FADS3: variants seen among roughly 807,000 people sequenced by gnomAD.
FADS3 encodes fatty acid desaturase 3.
A neutral mutation model predicts 60.4 loss-of-function variants in FADS3; 30 were observed. The observed-to-expected ratio is 0.50, with a 90% CI of 0.37 to 0.67. FADS3 has a LOEUF of 0.67. Among genes scored for constraint, FADS3 ranks in the 30% least tolerant of loss-of-function variants. The probability of loss-of-function intolerance (pLI) is 0.00; values close to 1 mark genes in which losing one functional copy is unlikely to be tolerated. For missense variants in FADS3, 432 were observed against 598.3 expected, an observed-to-expected ratio of 0.72 and a Z score of 2.90; for synonymous variants, 234 against 249.3, an observed-to-expected ratio of 0.94 and a Z score of 0.58.
intron 1 of FADS3, among the ~76,000 whole-genome samples, chr11:61,885,116 C>G (rs1055413249): frequency 6.6e-6 from 1 of 152,234 alleles, no homozygotes; most frequent in Non-Finnish European, 1.5e-5. Context: ...TGTTCATGCT[C>G]TCTCAGGATA....
chr11:61,880,310 T>TC, intron 1 of FADS3, 159 bp from the exon 2 acceptor site: 1 of 555,170 alleles, frequency 1.8e-6, no homozygotes, highest in Non-Finnish European at 3.2e-6. Flanking sequence ...ACATGGGCCC[T>TC]CCCTGGTCCT....
In FADS3 at chr11:61,891,342, C is replaced by T. The variant is rs769244276; in HGVS notation, c.40G>A (p.Ala14Thr). 1.9e-5 allele frequency: 28 copies of T among 1,507,882 alleles called. No homozygotes were observed. The highest frequency in any genetic ancestry group is 1.3e-4 in the East Asian group (5 of 39,346). The allele number at this position is 1,507,882 out of a possible 1,614,324, so 93.4% of individuals were successfully genotyped here. A position where few individuals can be genotyped will look rare whatever the true frequency, so the allele number is the denominator to read the frequency against. ...VGEPGPREGPAQPGAPLPTFC... is the reference protein window; with the variant it reads ...VGEPGPREGPTQPGAPLPTFC... ...GTGGGCAGCGGCGCCCCCGGCTGCG[C>T]GGGTCCCTCCCGCGGTCCCGGCTCC... Residue 14 changes from alanine (A) to threonine (T), a missense_variant, in exon 1 of 12, where the codon GCG (alanine) becomes ACG (threonine). Around this residue, in one of 5 missense-constraint regions of FADS3, gnomAD observed 167 missense variants for 188.8 expected, o/e 0.88. Transcript: ENST00000278829.
chr11:61,875,018 G>A (rs1452257834), intron 11 of FADS3, among the ~76,000 whole-genome samples: 1 of 152,178 alleles, frequency 6.6e-6, no homozygotes, highest in Non-Finnish European at 1.5e-5. Flanking sequence ...TCTGATGACC[G>A]ATGCTTGACC....
At chr11:61,890,171 C>T (rs1166102466) in intron 1 of FADS3, 5 of 151,078 alleles carry the variant, frequency 3.3e-5, no homozygotes, top group Non-Finnish European at 5.9e-5. Flanking sequence ...CTTATTCTCA[C>T]TCCTCAGCTT....
intron 1 of FADS3, among the ~76,000 whole-genome samples, chr11:61,887,449 C>T (rs569574487): frequency 6.6e-6 from 1 of 152,300 alleles, no homozygotes; most frequent in East Asian, 1.9e-4. Flanking sequence ...TCAGACTCCC[C>T]AGGCTTCCCT....
At position 61,891,359 on chromosome 11, in the gene FADS3, C is replaced by T. The variant is rs1208572792; in HGVS notation, c.23G>A (p.Gly8Glu). The change falls in exon 1 of 12, where the codon GGA becomes GAA. Residue 8 changes from glycine to glutamate, a missense_variant. This residue lies in a region of FADS3 where 167 missense variants were observed against 188.8 expected (regional missense o/e 0.88). Coordinates refer to ENST00000278829, the MANE Select transcript of FADS3 (RefSeq NM_021727.5). The stretch of plus-strand genomic sequence containing the variant: ...CGGCTGCGCGGGTCCCTCCCGCGGT[C>T]CCGGCTCCCCGACGCCGCCCATGCT... MGGVGEP[G>E]PREGPAQPGA... is the part of the protein sequence containing the mutation. 5.4e-6 allele frequency: 8 copies of T among 1,485,160 alleles called. No homozygotes were observed. The Admixed American group carries it at 1.8e-4, about 33-fold the overall frequency. The allele number at this position is 1,485,160 out of a possible 1,614,324, so 92.0% of individuals were successfully genotyped here.
In FADS3 at chr11:61,876,984, G is replaced by T. The variant is rs1340083438; in HGVS notation, c.886-21C>A. 1.9e-6 allele frequency: 3 copies of T among 1,546,480 alleles called. No individual in the cohort carries two copies. The South Asian group carries it at 3.6e-5, about 18-fold the overall frequency. On this transcript the variant is annotated intron_variant, in intron 7 of 11. Transcript: ENST00000278829. The surrounding 1 kb of genome is among the most constrained non-coding windows in gnomAD (Gnocchi z 5.7). ...AAATCCTGCAGAGGAGGGCAGAGGC[G>T]ATACCGAGAGGTCTCCAGGTGCCCG...
rs191501106 is a variant in FADS3 at position 61,880,022 on chromosome 11, T to C, written c.324+19A>G. 1.5e-4 allele frequency: 237 copies of C among 1,591,716 alleles called. No homozygotes were observed. In the African/African-American group the frequency reaches 2.7e-3, roughly 18 times the overall value. ...CCCCCTCCCTCAGGGGCTGAGCCTC[T>C]CCTAGGGCTCTGGCTCACATTCAGG... On this transcript the variant is annotated intron_variant, in intron 2 of 11. Transcript: ENST00000278829.
At position 61,879,511 on chromosome 11, in the gene FADS3, T is replaced by A; in HGVS notation, c.325-2A>T. On this transcript the variant is annotated splice_acceptor_variant, in intron 2 of 11. Coordinates refer to ENST00000278829, the MANE Select transcript of FADS3 (RefSeq NM_021727.5). LOFTEE classifies it high-confidence loss of function. ...TCGGAAGTCCTCGACCAGCTGCGCC[T>A]GCCATAGCAGAGGGGCCGATCAGCC... 6.3e-7 allele frequency: 1 copy of A among 1,590,014 alleles called. No homozygotes were observed. The highest frequency in any genetic ancestry group is 1.8e-5 in the Admixed American group (1 of 55,400).
In FADS3 at chr11:61,873,836, A is replaced by G. The variant is rs1254623343; in HGVS notation, c.1316T>C (p.Leu439Pro). ...RSLKKSGDIW[L>P]DAYLHQ is the part of the protein sequence containing the mutation. ...CCTTCACTGATGGAGGTAGGCGTCCAGCCAGATGTCACCAGACTTCTTCAG... is the reference window on the plus strand; with the variant it reads ...CCTTCACTGATGGAGGTAGGCGTCCGGCCAGATGTCACCAGACTTCTTCAG... The change falls in exon 12 of 12, where the codon CTG (leucine) becomes CCG (proline). Residue 439 changes from leucine (L) to proline (P), a missense_variant. Physicochemically the swap from Leu to Pro is moderately conservative, Grantham distance 98. Transcript: ENST00000278829. 1 of 1,608,258 alleles carries G rather than the reference A, an allele frequency of 6.2e-7. No individual in the cohort carries two copies. Among genetic ancestry groups the G allele is most frequent in the African/African-American group, 1.3e-5 (1 of 74,194 alleles).
At position 61,878,844 on chromosome 11, in the gene FADS3, G is replaced by C; in HGVS notation, c.526C>G (p.Gln176Glu). 1 of 1,613,708 alleles carries C rather than the reference G, an allele frequency of 6.2e-7. No homozygotes were observed. The highest frequency in any genetic ancestry group is 8.5e-7 in the Non-Finnish European group (1 of 1,179,720). ...AAFILAISQAQSWCLQHDLGH... is the reference protein window; with the variant it reads ...AAFILAISQAESWCLQHDLGH... ...AGGTCATGCTGCAGACACCAGGACT[G>C]AGCCTGGGGAGAGAGGCAGGGTCAG... Residue 176 changes from glutamine (Q) to glutamate (E), a missense_variant, in exon 4 of 12, where the codon CAG becomes GAG. Gln to Glu is a conservative substitution (Grantham distance 29). Around this residue, in one of 5 missense-constraint regions of FADS3, gnomAD observed 116 missense variants for 208.9 expected, o/e 0.56. Transcript: ENST00000278829.
In FADS3 at chr11:61,891,343, G is replaced by A; in HGVS notation, c.39C>T (p.Pro13=). ...TGGGCAGCGGCGCCCCCGGCTGCGC[G>A]GGTCCCTCCCGCGGTCCCGGCTCCC... ...GVGEPGPREG[P]AQPGAPLPTF... The change falls in exon 1 of 12, where the codon CCC becomes CCT. Residue 13 remains proline, a synonymous_variant. Coordinates refer to ENST00000278829, the MANE Select transcript of FADS3 (RefSeq NM_021727.5). The A allele has an allele frequency of 1.3e-6, 2 of 1,508,202 alleles. No individual in the cohort carries two copies. Among genetic ancestry groups the A allele is most frequent in the African/African-American group, 1.4e-5 (1 of 70,574 alleles). The allele number at this position is 1,508,202 out of a possible 1,614,324, so 93.4% of individuals were successfully genotyped here.
At chr11:61,885,369 C>G (rs1247662326) in intron 1 of FADS3, among the ~76,000 whole-genome samples, 1 of 152,190 alleles carries the variant, frequency 6.6e-6, no homozygotes, top group Non-Finnish European at 1.5e-5. Flanking sequence ...CCACAAATCC[C>G]CATCTCACAA....
At chr11:61,882,447 G>A (rs965587606) in intron 1 of FADS3, 3 of 149,812 alleles carry the variant, frequency 2.0e-5, no homozygotes, top group Non-Finnish European at 3.0e-5. Context: ...TTGAGACAGG[G>A]CCTCACTCTG....
chr11:61,881,483 T>C (rs1938127508), intron 1 of FADS3: 1 of 152,206 alleles, frequency 6.6e-6, no homozygotes, highest in African/African-American at 2.4e-5. Flanking sequence ...TTTCTCTGAA[T>C]GGGCTAGCCA....
intron 2 of FADS3, 150 bp downstream of exon 2, chr11:61,879,891 C>T (rs1053815361): frequency 6.3e-6 from 4 of 631,416 alleles, no homozygotes; most frequent in Non-Finnish European, 1.1e-5. Context: ...ACTGCCTGCC[C>T]CCTGGGAGGG....
intron 1 of FADS3, among the ~76,000 whole-genome samples, chr11:61,885,699 G>A (rs916180586): frequency 6.6e-6 from 1 of 152,166 alleles, no homozygotes; most frequent in African/African-American, 2.4e-5. Context: ...AATCAAGAAT[G>A]TGCCAGATCA....
intron 1 of FADS3, chr11:61,881,912 G>T (rs1376941868): frequency 6.6e-6 from 1 of 151,982 alleles, no homozygotes; most frequent in African/African-American, 2.4e-5. Flanking sequence ...TATAAGTGCA[G>T]ATCTCACCCC....
chr11:61,877,000 C>A lies in FADS3; in HGVS notation c.886-37G>T. ...GGCAGAGGCGATACCGAGAGGTCTC[C>A]AGGTGCCCGGAGGTCTGGAGGCCTG... On this transcript the variant is annotated intron_variant, in intron 7 of 11. Coordinates refer to ENST00000278829, the MANE Select transcript of FADS3 (RefSeq NM_021727.5). This position sits in a 1 kb window ranked among gnomAD's most constrained non-coding sequence, Gnocchi z 5.7. 6.7e-7 allele frequency: 1 copy of A among 1,486,230 alleles called. No homozygotes were observed. Among genetic ancestry groups the A allele is most frequent in the South Asian group, 1.3e-5 (1 of 79,116 alleles). 92.1% of individuals were successfully genotyped at this position (1,486,230 alleles called of 1,614,324 possible).
Sources: gnomAD v4.1 joint callset for allele counts (sites outside exome capture counted in the v4.1 genomes callset) on GRCh38, gnomAD v4.1.1 for gene constraint, gnomAD v4.1.1 regional missense constraint, Gnocchi (gnomAD v3.1) non-coding constraint, MANE v1.5 for transcripts, NCBI Gene and HGNC (gene_info 2026-07-23, HGNC 2026-07-21) for gene names.